Variants in IPP observed in about 807,000 individuals in gnomAD.
IPP encodes intracisternal A particle-promoted polypeptide.
Under a neutral mutation model 64.1 loss-of-function variants are expected in IPP, and 41 were observed. The observed-to-expected ratio is 0.64, with a 90% CI of 0.50 to 0.83. IPP has a LOEUF of 0.83. Among genes scored for constraint, IPP ranks in the 40% least tolerant of loss-of-function variants. The pLI, the probability that IPP is intolerant of heterozygous loss-of-function variation, is 0.00. For missense variants in IPP, 649 were observed against 703.0 expected (o/e 0.92, Z 0.87); for synonymous variants, 214 against 235.2 (o/e 0.91, Z 0.83).
intron 8 of IPP, among the ~76,000 whole-genome samples, chr1:45,712,500 A>C (rs185645440): frequency 6.6e-6 from 1 of 152,124 alleles, no homozygotes; most frequent in African/African-American, 2.4e-5. Context: ...ACATATTTTT[A>C]AATTAAATAA....
intron 8 of IPP, among the ~76,000 whole-genome samples, 182 bp from the exon 9 acceptor site, chr1:45,700,372 C>T (rs1044651467): frequency 2.0e-5 from 3 of 149,508 alleles, no homozygotes; most frequent in Non-Finnish European, 4.5e-5. Flanking sequence ...GACAGGGTCT[C>T]GCTCTGTCAC....
chr1:45,715,119 T>C (rs1278805119), intron 7 of IPP, among the ~76,000 whole-genome samples: 2 of 143,782 alleles, frequency 1.4e-5, no homozygotes, highest in Non-Finnish European at 3.0e-5. Context: ...GGCTTGAGCG[T>C]GGGAGGCAGA....
intron 7 of IPP, among the ~76,000 whole-genome samples, chr1:45,715,989 G>A (rs1308106571): frequency 6.6e-6 from 1 of 152,132 alleles, no homozygotes; most frequent in Non-Finnish European, 1.5e-5. Flanking sequence ...ATACAACAAT[G>A]GGAAAGTTGC....
chr1:45,727,410 G>A (rs1557751822), intron 5 of IPP, among the ~76,000 whole-genome samples: 1 of 152,066 alleles, frequency 6.6e-6, no homozygotes, highest in Non-Finnish European at 1.5e-5. Context: ...GAATTCATCT[G>A]ATATGAAATA....
intron 4 of IPP, among the ~76,000 whole-genome samples, chr1:45,728,475 A>C (rs1645863015): frequency 6.6e-6 from 1 of 151,780 alleles, no homozygotes; most frequent in Admixed American, 6.6e-5. Flanking sequence ...ATGTATTTTA[A>C]ATGCTGATAA....
At chr1:45,731,527 A>G (rs1011362551) in intron 3 of IPP, among the ~76,000 whole-genome samples, 8 of 152,220 alleles carry the variant, frequency 5.3e-5, no homozygotes, top group Non-Finnish European at 4.4e-5. Flanking sequence ...TACTAGGTAG[A>G]AAGAGTGCCA....
chr1:45,696,450 A>C (rs74650699), downstream of IPP, among the ~76,000 whole-genome samples: 1 of 152,234 alleles, frequency 6.6e-6, no homozygotes, highest in Non-Finnish European at 1.5e-5. Flanking sequence ...ACAAAGAAAC[A>C]AAAAAACTAG....
Position 45,741,043 on chromosome 1 carries a change from A to T in IPP, c.582T>A (p.Ile194=), listed in dbSNP as rs147228513. 4.3e-5 allele frequency: 70 copies of T among 1,613,952 alleles called. No individual in the cohort carries two copies. The African/African-American group carries it at 9.2e-4, about 21-fold the overall frequency. Residue 194 remains isoleucine, a synonymous_variant, in exon 3 of 9, where the codon ATT becomes ATA. Coordinates refer to ENST00000396478, the MANE Select transcript of IPP (RefSeq NM_005897.3). Reference sequence around the variant, plus strand: ...CTAAGAAGACCTGGTATTCATCCTCAATGCTAAGCTCTTCACTTCGCAAAA... The same window carrying T: ...CTAAGAAGACCTGGTATTCATCCTCTATGCTAAGCTCTTCACTTCGCAAAA... ...IKILRSEELS[I]EDEYQVFLAA...
intron 3 of IPP, among the ~76,000 whole-genome samples, chr1:45,736,778 G>C (rs1207144184): frequency 2.6e-5 from 4 of 152,016 alleles, no homozygotes; most frequent in Non-Finnish European, 5.9e-5. Context: ...GGTGGCTCAT[G>C]ACTGTAATCC....
At chr1:45,706,292 C>T in intron 8 of IPP, among the ~76,000 whole-genome samples, 1 of 151,968 alleles carries the variant, frequency 6.6e-6, no homozygotes. Flanking sequence ...CTAGACCTTC[C>T]CTACAAAGCC....
intron 8 of IPP, among the ~76,000 whole-genome samples, chr1:45,712,298 T>TAAAAAAAAAAAA: frequency 7.6e-6 from 1 of 131,336 alleles, no homozygotes; most frequent in Non-Finnish European, 1.6e-5. Context: ...AGACGACGTC[T>TAAAAAAAAAAAA]AAAAAAAAAA....
downstream of IPP, chr1:45,698,661 G>T (rs1645408684): frequency 1.0e-6 from 1 of 971,310 alleles, no homozygotes; most frequent in Non-Finnish European, 1.2e-6. Flanking sequence ...TCTTCCTAAA[G>T]CCAAACAGAT....
At chr1:45,726,207 C>G (rs1645824753) in intron 5 of IPP, among the ~76,000 whole-genome samples, 1 of 151,086 alleles carries the variant, frequency 6.6e-6, no homozygotes, top group Non-Finnish European at 1.5e-5. Context: ...GTCTGTAATC[C>G]CAGCACTATG....
At chr1:45,713,659 G>A (rs1645621128) in intron 8 of IPP, among the ~76,000 whole-genome samples, 1 of 152,108 alleles carries the variant, frequency 6.6e-6, no homozygotes, top group African/African-American at 2.4e-5. Flanking sequence ...TGACCTCCTA[G>A]GCTCAAGTGA....
At chr1:45,746,077 T>C (rs1252225747) in intron 2 of IPP, 43 bp downstream of exon 2, 1 of 1,502,568 alleles carries the variant, frequency 6.7e-7, no homozygotes, top group African/African-American at 1.4e-5. Flanking sequence ...GCATGAGTGA[T>C]TGAATCATTC....
At chr1:45,747,059 G>C (rs1476883550) in intron 1 of IPP, among the ~76,000 whole-genome samples, 1 of 152,062 alleles carries the variant, frequency 6.6e-6, no homozygotes, top group Non-Finnish European at 1.5e-5. Flanking sequence ...CTATAGCACA[G>C]GTCTACCTTA....
chr1:45,706,305 A>G (rs975795369), intron 8 of IPP, among the ~76,000 whole-genome samples: 1 of 152,200 alleles, frequency 6.6e-6, no homozygotes, highest in Non-Finnish European at 1.5e-5. Flanking sequence ...ACAAAGCCTT[A>G]AAACAAGTCT....
intron 6 of IPP, among the ~76,000 whole-genome samples, chr1:45,717,746 T>C (rs1645680689): frequency 6.6e-6 from 1 of 152,002 alleles, no homozygotes; most frequent in Non-Finnish European, 1.5e-5. Flanking sequence ...ATCTCCTGAC[T>C]TCATGATCCG....
chr1:45,741,315 C>T lies in IPP; in HGVS notation c.310G>A (p.Val104Met). ...ATAATCAACTCCTGGACATTATTCACACCTATGTTCACTATACCTAGAGAA... is the reference window on the plus strand; with the variant it reads ...ATAATCAACTCCTGGACATTATTCATACCTATGTTCACTATACCTAGAGAA... ...FIYTGIVNIGVNNVQELIIAA... is the reference protein window; with the variant it reads ...FIYTGIVNIGMNNVQELIIAA... Residue 104 changes from valine to methionine, a missense_variant, in exon 3 of 9, where the codon GTG becomes ATG. Physicochemically the swap from Val to Met is conservative, Grantham distance 21. Coordinates refer to ENST00000396478, the MANE Select transcript of IPP (RefSeq NM_005897.3). The T allele has an allele frequency of 6.2e-7, 1 of 1,607,908 alleles. No homozygotes were observed. The highest frequency in any genetic ancestry group is 8.5e-7 in the Non-Finnish European group (1 of 1,175,772).
Sources: gnomAD v4.1 joint callset for allele counts (sites outside exome capture counted in the v4.1 genomes callset) on GRCh38, gnomAD v4.1.1 for gene constraint, MANE v1.5 for transcripts, NCBI Gene and HGNC (gene_info 2026-07-23, HGNC 2026-07-21) for gene names.